The following TXNDC11 variants were observed in gnomAD, a reference collection of about 807,000 sequenced individuals.
TXNDC11 encodes thioredoxin domain-containing protein 11.
In TXNDC11, 68 loss-of-function variants were observed where a neutral mutation model predicts 78.0. The observed-to-expected ratio is 0.87, with a 90% CI of 0.72 to 1.07. The LOEUF (loss-of-function observed/expected upper bound fraction) is 1.07. Ranked by LOEUF, TXNDC11 falls within the 50% of genes least tolerant of loss-of-function variation. The pLI is 0.00. For missense variants in TXNDC11, 1,389 were observed against 1,221.8 expected (o/e 1.14, Z -2.04); for synonymous variants, 571 against 495.2 (o/e 1.15, Z -2.03).
chr16:11,701,975 C>T (rs1184405814), intron 5 of TXNDC11, among the ~76,000 whole-genome samples: 1 of 150,136 alleles, frequency 6.7e-6, no homozygotes, highest in East Asian at 1.9e-4. Flanking sequence ...TGAGGCAGGA[C>T]TATACACCAC....
rs574545832 is a variant in TXNDC11 at position 11,735,159 on chromosome 16, T to G, written c.471+858A>C. Among the ~76,000 whole-genome samples, 8 of 152,320 alleles carry G rather than the reference T, an allele frequency of 5.3e-5. No individual in the cohort carries two copies. The East Asian group carries it at 1.5e-3, about 29-fold the overall frequency. The stretch of plus-strand genomic sequence containing the variant: ...TGAGAGCAGAAAGGGCTTTGCATAG[T>G]TCAGGATTTTACCAAGACTGTTCAC... On this transcript the variant is annotated intron_variant, in intron 2 of 11. Coordinates refer to ENST00000283033, the MANE Select transcript of TXNDC11 (RefSeq NM_015914.7).
At chr16:11,703,051 TAGGG>T (rs764943216) in intron 5 of TXNDC11, among the ~76,000 whole-genome samples, 138 of 152,270 alleles carry the variant, frequency 9.1e-4, no homozygotes, top group Admixed American at 2.1e-3. Context: ...ATCTGACTCC[TAGGG>T]CCACAGTGAT....
At chr16:11,685,876 A>G (rs920861851) in intron 10 of TXNDC11, among the ~76,000 whole-genome samples, 2 of 152,222 alleles carry the variant, frequency 1.3e-5, no homozygotes, top group Non-Finnish European at 2.9e-5. Flanking sequence ...TATAAAATTA[A>G]AACATTGTAA....
Position 11,687,893 on chromosome 16 carries a change from G to A in TXNDC11, c.2117C>T (p.Ala706Val). 3 of 1,613,896 alleles carry A rather than the reference G, an allele frequency of 1.9e-6. No individual in the cohort carries two copies. The highest frequency in any genetic ancestry group is 2.5e-6 in the Non-Finnish European group (3 of 1,179,878). ...PSLNHIFIQL[A>V]RNLPMDTFTV... ...GAATGTGTCCATGGGCAGGTTCCGA[G>A]CTAGCTGGATGAAGATGTGATTGAG... is the stretch of plus-strand genomic sequence containing the variant. Residue 706 changes from alanine to valine, a missense_variant, in exon 10 of 12, where the codon GCT (alanine) becomes GTT (valine). Physicochemically the swap from Ala to Val is moderately conservative, Grantham distance 64. Transcript: ENST00000283033.
At chr16:11,725,570 C>T (rs16958592) in intron 4 of TXNDC11, among the ~76,000 whole-genome samples, 1,996 of 152,274 alleles carry the variant, frequency 0.013, 44 homozygotes, top group African/African-American at 0.046. Flanking sequence ...GCTGGGCTGT[C>T]GTCCAGTCTC....
At position 11,730,629 on chromosome 16, in the gene TXNDC11, T is replaced by C. The variant is rs1178322575; in HGVS notation, c.699+16A>G. The C allele has an allele frequency of 2.5e-6, 4 of 1,612,920 alleles. No homozygotes were observed. Among genetic ancestry groups the C allele is most frequent in the Non-Finnish European group, 3.4e-6 (4 of 1,179,232 alleles). ...AAGGCCTTGAGTATGGAGGAGGAGA[T>C]ATGAAAGACAAGTACCTCGTAGTTT... On this transcript the variant is annotated intron_variant, in intron 4 of 11. Transcript: ENST00000283033.
Position 11,692,040 on chromosome 16 carries a change from G to A in TXNDC11, c.1150C>T (p.Gln384Ter). ...ALEYNNCHGD[Q>*]VVERLLQHLR... ...TGCTGAAGGAGACGCTCCACCACCT[G>A]GTCCCCATGACAGTTGTTGTACTCC... The change falls in exon 8 of 12, where the codon CAG becomes TAG. Residue 384 changes from glutamine (Q) to a stop codon, truncating the protein, a stop_gained. Coordinates refer to ENST00000283033, the MANE Select transcript of TXNDC11 (RefSeq NM_015914.7). LOFTEE classifies it high-confidence loss of function. The A allele has an allele frequency of 1.3e-6, 2 of 1,545,420 alleles. No homozygotes were observed. The highest frequency in any genetic ancestry group is 1.7e-6 in the Non-Finnish European group (2 of 1,146,666).
chr16:11,717,828 A>G (rs2051585275), intron 5 of TXNDC11, among the ~76,000 whole-genome samples: 1 of 151,960 alleles, frequency 6.6e-6, no homozygotes, highest in Non-Finnish European at 1.5e-5. Context: ...CTCAAAAAAA[A>G]AAAAGAAAGG....
At chr16:11,736,324 C>G in intron 1 of TXNDC11, 91 bp from the exon 2 acceptor site, 1 of 1,091,718 alleles carries the variant, frequency 9.2e-7, no homozygotes, top group East Asian at 2.6e-5. Flanking sequence ...AAAGGAAAAT[C>G]CTCTTTTGAA....
chr16:11,742,825 C>T lies in TXNDC11; in HGVS notation c.-95G>A, dbSNP rs1164917703. 23 of 1,364,636 alleles carry T rather than the reference C, an allele frequency of 1.7e-5. No homozygotes were observed. The highest frequency in any genetic ancestry group is 1.9e-5 in the South Asian group (1 of 53,184). The allele number at this position is 1,364,636 out of a possible 1,614,324, so 84.5% of individuals were successfully genotyped here. Reference sequence around the variant, plus strand: ...TGCTCCCCAATCCCGCAGCTCGCCGCACCCGCTAACCCGGACGCTCCACGT... The same window carrying T: ...TGCTCCCCAATCCCGCAGCTCGCCGTACCCGCTAACCCGGACGCTCCACGT... On this transcript the variant is annotated 5_prime_UTR_variant, in exon 1 of 12. Transcript: ENST00000283033.
At chr16:11,688,259 A>G in intron 9 of TXNDC11, 44 bp downstream of exon 9, 1 of 1,595,730 alleles carries the variant, frequency 6.3e-7, no homozygotes, top group Non-Finnish European at 8.5e-7. Flanking sequence ...AAATTATTTT[A>G]AGAGGGACAG....
At chr16:11,726,138 C>G (rs2051869556) in intron 4 of TXNDC11, among the ~76,000 whole-genome samples, 2 of 152,128 alleles carry the variant, frequency 1.3e-5, no homozygotes, top group African/African-American at 2.4e-5. Context: ...CTTGGCCTCC[C>G]AAGTGCTGGG....
At chr16:11,698,012 C>A (rs1036259205) in intron 7 of TXNDC11, 113 bp downstream of exon 7, 63 of 967,434 alleles carry the variant, frequency 6.5e-5, no homozygotes, top group Admixed American at 2.2e-4. Context: ...CACAGCTGCC[C>A]CTCGTGGCAG....
chr16:11,727,662 G>GCC (rs200828850), intron 4 of TXNDC11, among the ~76,000 whole-genome samples: 27 of 83,964 alleles, frequency 3.2e-4, no homozygotes, highest in African/African-American at 4.7e-4. Context: ...ATTTCCACCC[G>GCC]CCCCCCCCAC....
intron 3 of TXNDC11, among the ~76,000 whole-genome samples, chr16:11,731,122 T>G (rs1278105234): frequency 7.2e-5 from 11 of 152,210 alleles, no homozygotes; most frequent in Admixed American, 7.2e-4. Context: ...CCCTGGAAAT[T>G]GACCACATGC....
rs1008750446 is a variant in TXNDC11 at position 11,688,350 on chromosome 16, T to A, written c.1996A>T (p.Thr666Ser). ...CAAAAGGTATCAGTTGTCACTTCAG[T>A]GATTAAATGCTGAGACGGGAACTGG... Reference protein sequence around the residue: ...SAQFPSQHLITEVTTDTFWEV... With the variant: ...SAQFPSQHLISEVTTDTFWEV... The change falls in exon 9 of 12, where the codon ACT (threonine) becomes TCT (serine). Residue 666 changes from threonine (T) to serine (S), a missense_variant. Thr to Ser is a moderately conservative substitution (Grantham distance 58). Transcript: ENST00000283033. 51 of 1,614,060 alleles carry A rather than the reference T, an allele frequency of 3.2e-5. No individual in the cohort carries two copies. Among genetic ancestry groups the A allele is most frequent in the Non-Finnish European group, 3.9e-5 (46 of 1,180,032 alleles).
At chr16:11,692,371 AG>A in intron 7 of TXNDC11, 1 of 333,248 alleles carries the variant, frequency 3.0e-6, no homozygotes, top group Non-Finnish European at 5.5e-6. Flanking sequence ...CGCAGTTATC[AG>A]ATCAACTGTC....
chr16:11,696,847 C>T (rs1437434456), intron 7 of TXNDC11, among the ~76,000 whole-genome samples: 1 of 152,186 alleles, frequency 6.6e-6, no homozygotes, highest in African/African-American at 2.4e-5. Context: ...TGGGCAGAGG[C>T]TGTGGGCTCC....
chr16:11,693,765 G>A (rs1476040675), intron 7 of TXNDC11, among the ~76,000 whole-genome samples: 3 of 152,144 alleles, frequency 2.0e-5, no homozygotes, highest in Admixed American at 2.0e-4. Context: ...GTTTTTGGAT[G>A]AGGCTCTGAC....
Sources: allele counts gnomAD v4.1 joint callset (sites outside exome capture counted in the v4.1 genomes callset), GRCh38; gene constraint gnomAD v4.1.1; transcripts MANE v1.5; gene names NCBI Gene and HGNC (gene_info 2026-07-23, HGNC 2026-07-21).